IQSEC3: variants seen among roughly 807,000 people sequenced by gnomAD.
IQSEC3 encodes IQ motif and SEC7 domain-containing protein 3.
A neutral mutation model predicts 105.4 loss-of-function variants in IQSEC3; 50 were observed. That is an observed-to-expected ratio of 0.47 (90% confidence interval 0.38 to 0.60). The LOEUF (loss-of-function observed/expected upper bound fraction) is 0.60. Ranked by LOEUF, IQSEC3 falls within the 20% of genes least tolerant of loss-of-function variation. The probability of loss-of-function intolerance (pLI) is 0.00; values close to 1 mark genes in which losing one functional copy is unlikely to be tolerated. For missense variants in IQSEC3, 1,415 were observed against 1,630.0 expected (o/e 0.87, Z 2.27); for synonymous variants, 708 against 746.0 (o/e 0.95, Z 0.83).
intron 2 of IQSEC3, among the ~76,000 whole-genome samples, chr12:108,912 C>A (rs1864775561): frequency 6.6e-6 from 1 of 152,252 alleles, no homozygotes; most frequent in African/African-American, 2.4e-5. Flanking sequence ...TTCCACGCCA[C>A]CCCTGCTGGT....
chr12:130,462 G>A lies in IQSEC3; in HGVS notation c.903+4550G>A, dbSNP rs1031893051. 5.3e-5 allele frequency among the ~76,000 whole-genome samples: 8 copies of A among 152,162 alleles called. No individual in the cohort carries two copies. In the East Asian group the frequency reaches 5.8e-4, roughly 11 times the overall value. On this transcript the variant is annotated intron_variant, in intron 3 of 13. Transcript: ENST00000538872. ...CATGGACTCCGCAGCCCATGGTTTC[G>A]ACCCTGTACCTTCCACCATCTCTTG...
intron 2 of IQSEC3, among the ~76,000 whole-genome samples, chr12:102,892 G>C (rs782772485): frequency 5.3e-5 from 8 of 152,212 alleles, no homozygotes; most frequent in Non-Finnish European, 1.2e-4. Flanking sequence ...TAACCAGATA[G>C]AGTTATTATG....
chr12:172,581 G>C (rs1274063033), intron 13 of IQSEC3, among the ~76,000 whole-genome samples: 2 of 152,140 alleles, frequency 1.3e-5, no homozygotes. Flanking sequence ...GGGCAGCCTC[G>C]CCTCCCACGG....
At chr12:131,059 C>T (rs946370996) in intron 3 of IQSEC3, among the ~76,000 whole-genome samples, 78 of 151,206 alleles carry the variant, frequency 5.2e-4, no homozygotes, top group Admixed American at 1.5e-3. Flanking sequence ...GCACTGTGCC[C>T]CCCAGCTAGC....
chr12:134,880 C>T (rs1322891256), intron 3 of IQSEC3, among the ~76,000 whole-genome samples: 1 of 152,006 alleles, frequency 6.6e-6, no homozygotes, highest in African/African-American at 2.4e-5. Context: ...AATCCCAGCA[C>T]TCTGGGAGGC....
Position 125,888 on chromosome 12 carries a change from C to G in IQSEC3, c.879C>G (p.Leu293=), listed in dbSNP as rs2136969353. Residue 293 remains leucine (L), a synonymous_variant, in exon 3 of 14, where the codon CTC becomes CTG. Coordinates refer to ENST00000538872, the MANE Select transcript of IQSEC3 (RefSeq NM_001170738.2). ...PHAPAASDYE[L]SLDLKNKQIE... ...CCCCTGCCGCCTCCGATTACGAACT[C>G]TCCCTTGACCTAAAGAATAAACAGG... 6.5e-7 allele frequency: 1 copy of G among 1,533,714 alleles called. No homozygotes were observed. The highest frequency in any genetic ancestry group is 1.4e-5 in the African/African-American group (1 of 72,986).
At chr12:169,587 C>T (rs1938861896) in intron 12 of IQSEC3, among the ~76,000 whole-genome samples, 1 of 152,210 alleles carries the variant, frequency 6.6e-6, no homozygotes, top group Non-Finnish European at 1.5e-5. Flanking sequence ...ACCCCTGGCT[C>T]AGGTCAGCCC....
chr12:128,012 G>C (rs1555083976), intron 3 of IQSEC3, among the ~76,000 whole-genome samples: 1 of 152,186 alleles, frequency 6.6e-6, no homozygotes, highest in African/African-American at 2.4e-5. Flanking sequence ...TCTGGCCTCA[G>C]CTGCCTCCTA....
rs1555097960 is a variant in IQSEC3, at chr12:165,458, A to C, written c.2734A>C (p.Lys912Gln). 1.2e-6 allele frequency: 2 copies of C among 1,614,000 alleles called. No homozygotes were observed. Among genetic ancestry groups the C allele is most frequent in the Non-Finnish European group, 1.7e-6 (2 of 1,180,006 alleles). The change falls in exon 10 of 14, where the codon AAG becomes CAG. Residue 912 changes from lysine to glutamine, a missense_variant. Coordinates refer to ENST00000538872, the MANE Select transcript of IQSEC3 (RefSeq NM_001170738.2). The part of the protein sequence containing the change: ...LVILKLCPKK[K>Q]SSSTYTFCKS... ...GATTCTCAAACTTTGCCCGAAGAAG[A>C]AGAGCTCCTCCACGTACACCTTTTG...
At chr12:157,337 C>A (rs1263787275) in intron 6 of IQSEC3, among the ~76,000 whole-genome samples, 190 bp downstream of exon 6, 1 of 152,140 alleles carries the variant, frequency 6.6e-6, no homozygotes, top group African/African-American at 2.4e-5. Flanking sequence ...ACCCCTCGAG[C>A]TCCCCAGGCT....
chr12:144,429 C>T (rs1388950223), intron 5 of IQSEC3: 2 of 152,102 alleles, frequency 1.3e-5, no homozygotes, highest in Non-Finnish European at 2.9e-5. Flanking sequence ...AGCTGTTTGC[C>T]GAATAAAAGG....
rs917069530 is a variant in IQSEC3, at chr12:176,451, C to T, written c.*1418C>T. 2.6e-5 allele frequency: 4 copies of T among 152,268 alleles called. No homozygotes were observed. Among genetic ancestry groups the T allele is most frequent in the African/African-American group, 9.7e-5 (4 of 41,446 alleles). 9.4% of individuals were successfully genotyped at this position (152,268 alleles called of 1,614,324 possible). On this transcript the variant is annotated 3_prime_UTR_variant, in exon 14 of 14. Coordinates refer to ENST00000538872, the MANE Select transcript of IQSEC3 (RefSeq NM_001170738.2). The surrounding 1 kb of genome is among the most constrained non-coding windows in gnomAD (Gnocchi z 4.0). ...TCACTGCTGTCCTATGTGCAGGTCCCCCAACACTTGGAGCCTGTGGTTAAG... is the reference window on the plus strand; with the variant it reads ...TCACTGCTGTCCTATGTGCAGGTCCTCCAACACTTGGAGCCTGTGGTTAAG...
intron 1 of IQSEC3, among the ~76,000 whole-genome samples, chr12:91,316 G>C (rs540206767): frequency 6.6e-6 from 1 of 152,276 alleles, no homozygotes; most frequent in Admixed American, 6.5e-5. Flanking sequence ...ACTAAATATA[G>C]ATGTGGGAAG....
At chr12:104,304 T>G (rs1017532051) in intron 2 of IQSEC3, among the ~76,000 whole-genome samples, 1 of 152,182 alleles carries the variant, frequency 6.6e-6, no homozygotes, top group Non-Finnish European at 1.5e-5. Context: ...TTCAAAGAGC[T>G]GCTGCTAGAA....
intron 1 of IQSEC3, among the ~76,000 whole-genome samples, chr12:91,455 C>T (rs570893014): frequency 1.1e-4 from 16 of 152,222 alleles, no homozygotes; most frequent in South Asian, 4.1e-4. Flanking sequence ...TCTGGCAGCG[C>T]TACTCCCCCA....
At chr12:79,755 AAG>A (rs1183851054) in intron 1 of IQSEC3, among the ~76,000 whole-genome samples, 2 of 152,192 alleles carry the variant, frequency 1.3e-5, no homozygotes, top group Non-Finnish European at 2.9e-5. Flanking sequence ...TTCAAAAGAA[AAG>A]AGTTTACAGT....
chr12:109,625 C>G (rs1395901374), intron 2 of IQSEC3, among the ~76,000 whole-genome samples: 2 of 152,162 alleles, frequency 1.3e-5, no homozygotes, highest in Non-Finnish European at 2.9e-5. Flanking sequence ...ACTTGCATCC[C>G]CCAGTTCCCG....
At chr12:153,634 G>A (rs1390447588) in intron 5 of IQSEC3, among the ~76,000 whole-genome samples, 1 of 152,210 alleles carries the variant, frequency 6.6e-6, no homozygotes, top group Non-Finnish European at 1.5e-5. Context: ...CCCTGTGGTG[G>A]CAAATGCAGT....
chr12:118,013 G>C (rs906982539), intron 2 of IQSEC3, among the ~76,000 whole-genome samples: 1 of 152,220 alleles, frequency 6.6e-6, no homozygotes, highest in Non-Finnish European at 1.5e-5. Context: ...AATGGCAAGT[G>C]GGGAGGGAGG....
Sources: gnomAD v4.1 joint callset for allele counts (sites outside exome capture counted in the v4.1 genomes callset) on GRCh38, gnomAD v4.1.1 for gene constraint, Gnocchi (gnomAD v3.1) non-coding constraint, MANE v1.5 for transcripts, NCBI Gene and HGNC (gene_info 2026-07-23, HGNC 2026-07-21) for gene names.